Variants in CCSER1 observed in about 807,000 individuals in gnomAD.
CCSER1 encodes serine-rich coiled-coil domain-containing protein 1.
A neutral mutation model predicts 82.0 loss-of-function variants in CCSER1; 41 were observed. That is an observed-to-expected ratio of 0.50 (90% CI 0.39 to 0.65). The LOEUF is 0.65. Among genes scored for constraint, CCSER1 ranks in the 30% least tolerant of loss-of-function variants. The pLI is 0.00. For missense variants in CCSER1, 1,119 were observed against 1,064.2 expected (o/e 1.05, Z -0.72); for synonymous variants, 414 against 383.9 (o/e 1.08, Z -0.92).
At chr4:91,019,142 T>A (rs1205535122) in intron 9 of CCSER1, among the ~76,000 whole-genome samples, 8 of 151,968 alleles carry the variant, frequency 5.3e-5, no homozygotes, top group African/African-American at 1.9e-4. Context: ...AGATTTCAAT[T>A]TTTTCTCGGT....
intron 10 of CCSER1, among the ~76,000 whole-genome samples, chr4:91,412,205 A>G (rs1191707269): frequency 6.6e-6 from 1 of 151,954 alleles, no homozygotes; most frequent in Non-Finnish European, 1.5e-5. Context: ...CCCTGTAAAT[A>G]TATCTATATT....
chr4:90,791,301 C>A (rs1428813129), intron 7 of CCSER1, among the ~76,000 whole-genome samples: 1 of 152,132 alleles, frequency 6.6e-6, no homozygotes, highest in Admixed American at 6.5e-5. Flanking sequence ...AGCTAAACCA[C>A]AGCAGTGGGT....
chr4:90,890,979 T>G (rs1722876643), intron 8 of CCSER1, among the ~76,000 whole-genome samples: 1 of 152,062 alleles, frequency 6.6e-6, no homozygotes, highest in African/African-American at 2.4e-5. Flanking sequence ...ATAAGACCCA[T>G]AAGAGACTAT....
intron 10 of CCSER1, among the ~76,000 whole-genome samples, chr4:91,279,492 A>T (rs1408073208): frequency 6.6e-6 from 1 of 151,510 alleles, no homozygotes; most frequent in Non-Finnish European, 1.5e-5. Context: ...ACTGTCTTCA[A>T]GTTCTGAAAC....
At chr4:90,824,460 C>A (rs1012787668) in intron 8 of CCSER1, among the ~76,000 whole-genome samples, 3 of 151,836 alleles carry the variant, frequency 2.0e-5, no homozygotes, top group African/African-American at 7.2e-5. Context: ...AAAGGGTGAG[C>A]TAAAAATAAA....
intron 10 of CCSER1, among the ~76,000 whole-genome samples, chr4:91,144,353 T>C (rs918365503): frequency 6.6e-6 from 1 of 152,096 alleles, no homozygotes; most frequent in African/African-American, 2.4e-5. Flanking sequence ...TCTCTCTTTT[T>C]TTCTCTGTGA....
At chr4:90,933,430 G>T (rs536315023) in intron 9 of CCSER1, among the ~76,000 whole-genome samples, 28 of 151,258 alleles carry the variant, frequency 1.9e-4, no homozygotes, top group Non-Finnish European at 3.4e-4. Flanking sequence ...CTCATGATCC[G>T]CCCACCTCGG....
intron 10 of CCSER1, among the ~76,000 whole-genome samples, chr4:91,136,355 A>C (rs1728470156): frequency 6.6e-6 from 1 of 152,158 alleles, no homozygotes; most frequent in Admixed American, 6.6e-5. Context: ...ACTGACAGTT[A>C]ATATTCTGTG....
chr4:91,438,911 C>T (rs1754893152), intron 10 of CCSER1, among the ~76,000 whole-genome samples: 2 of 151,966 alleles, frequency 1.3e-5, no homozygotes, highest in African/African-American at 4.8e-5. Flanking sequence ...CGAAATGAAG[C>T]AAGAAGGGAA....
chr4:91,524,806 C>T (rs908668283), intron 10 of CCSER1, among the ~76,000 whole-genome samples: 2 of 152,078 alleles, frequency 1.3e-5, no homozygotes, highest in Admixed American at 1.3e-4. Context: ...AATGCAGAGT[C>T]TTAAACAAAG....
chr4:90,571,598 G>A (rs1379552463), intron 5 of CCSER1, among the ~76,000 whole-genome samples: 1 of 152,142 alleles, frequency 6.6e-6, no homozygotes, highest in Non-Finnish European at 1.5e-5. Context: ...TCCAAAATGA[G>A]GGAGGGAGGA....
chr4:91,093,497 A>G (rs1448845312), intron 10 of CCSER1, among the ~76,000 whole-genome samples: 4 of 152,200 alleles, frequency 2.6e-5, no homozygotes, highest in Non-Finnish European at 1.5e-5. Flanking sequence ...TGTTAAAGTC[A>G]CCACCACATG....
intron 6 of CCSER1, among the ~76,000 whole-genome samples, chr4:90,637,155 T>C (rs1725575736): frequency 6.6e-6 from 1 of 152,286 alleles, no homozygotes; most frequent in East Asian, 1.9e-4. Context: ...ACTCAGGATG[T>C]CAACAATGGC....
At chr4:90,966,782 C>G (rs1176988239) in intron 9 of CCSER1, among the ~76,000 whole-genome samples, 2 of 152,050 alleles carry the variant, frequency 1.3e-5, no homozygotes, top group Non-Finnish European at 2.9e-5. Flanking sequence ...GATGTATGTT[C>G]ATGGGTCAAT....
At chr4:91,325,763 AAT>A (rs1746514265) in intron 10 of CCSER1, among the ~76,000 whole-genome samples, 1 of 152,242 alleles carries the variant, frequency 6.6e-6, no homozygotes, top group Non-Finnish European at 1.5e-5. Context: ...TTCCAGTATC[AAT>A]ATGACTTCAG....
intron 1 of CCSER1, among the ~76,000 whole-genome samples, chr4:90,155,944 A>G (rs1487064951): frequency 1.5e-4 from 22 of 151,614 alleles, no homozygotes; most frequent in East Asian, 7.8e-4. Context: ...TTGCTTTTCT[A>G]GTTCTTTTAA....
intron 9 of CCSER1, among the ~76,000 whole-genome samples, chr4:90,944,119 G>A (rs922909157): frequency 6.6e-6 from 1 of 151,242 alleles, no homozygotes; most frequent in Non-Finnish European, 1.5e-5. Flanking sequence ...TGCAATCCCA[G>A]CTACTCGGGA....
chr4:91,301,089 T>C (rs1231837393), intron 10 of CCSER1, among the ~76,000 whole-genome samples: 1 of 151,902 alleles, frequency 6.6e-6, no homozygotes, highest in Non-Finnish European at 1.5e-5. Flanking sequence ...ACATTATGCA[T>C]ACATAATATG....
intron 5 of CCSER1, among the ~76,000 whole-genome samples, chr4:90,558,476 A>G (rs2153645767): frequency 6.6e-6 from 1 of 151,994 alleles, no homozygotes; most frequent in African/African-American, 2.4e-5. Flanking sequence ...TACCTAACCT[A>G]TATTGGTTCA....
Sources: allele counts gnomAD v4.1 joint callset (sites outside exome capture counted in the v4.1 genomes callset), GRCh38; gene constraint gnomAD v4.1.1; transcripts MANE v1.5; gene names NCBI Gene and HGNC (gene_info 2026-07-23, HGNC 2026-07-21).